The following MYH11 variants were observed in gnomAD, a reference collection of about 807,000 sequenced individuals.
MYH11 encodes myosin-11.
In MYH11, 80 loss-of-function variants were observed where a neutral mutation model predicts 246.6. The observed-to-expected ratio is 0.32, with a 90% CI of 0.27 to 0.39. The LOEUF is 0.39. MYH11 is among the 10% of genes least tolerant of loss of function. The probability of loss-of-function intolerance (pLI) is 1.00; values close to 1 mark genes in which losing one functional copy is unlikely to be tolerated. For synonymous variants in MYH11, 1,071 were observed against 1,015.5 expected, an observed-to-expected ratio of 1.05 and a Z score of -1.04; for missense variants, 2,158 against 2,546.8, an observed-to-expected ratio of 0.85 and a Z score of 3.29.
chr16:15,771,650 G>A lies in MYH11; in HGVS notation c.952C>T (p.Pro318Ser), dbSNP rs372237923. 4.3e-6 allele frequency: 7 copies of A among 1,613,864 alleles called. No individual in the cohort carries two copies. The African/African-American group carries it at 9.4e-5, about 22-fold the overall frequency. The stretch of plus-strand genomic sequence containing the variant: ...AACATCTCATCATCCTGGGCTGCTG[G>A]GATGGGCACAAAGCCATTGGAGAGG... The part of the protein sequence containing the change: ...TFLSNGFVPI[P>S]AAQDDEMFQE... The change falls in exon 9 of 41, where the codon CCA (proline) becomes TCA (serine). Residue 318 changes from proline to serine, a missense_variant. Transcript: ENST00000300036.
At chr16:15,799,579 C>T (rs1419074386) in intron 3 of MYH11, among the ~76,000 whole-genome samples, 1 of 152,208 alleles carries the variant, frequency 6.6e-6, no homozygotes, top group African/African-American at 2.4e-5. Context: ...ATTAAGCAGA[C>T]ATTATCCATC....
intron 1 of MYH11, among the ~76,000 whole-genome samples, chr16:15,840,050 C>CA (rs1262767122): frequency 4.0e-5 from 6 of 151,128 alleles, no homozygotes; most frequent in African/African-American, 1.5e-4. Context: ...GACGCTGTCT[C>CA]AAAAAAATTA....
chr16:15,739,969 T>G lies in MYH11; in HGVS notation c.2997+82A>C. On this transcript the variant is annotated intron_variant, in intron 23 of 40. Transcript: ENST00000300036. ...GTTGGCCAGGCTAGTCTCAAACTCCTGGCCTCAAGTGATCCACATACCTTG... is the reference window on the plus strand; with the variant it reads ...GTTGGCCAGGCTAGTCTCAAACTCCGGGCCTCAAGTGATCCACATACCTTG... The G allele has an allele frequency of 2.7e-6, 4 of 1,471,792 alleles. No individual in the cohort carries two copies. The South Asian group carries it at 4.5e-5, about 17-fold the overall frequency. 91.2% of individuals were successfully genotyped at this position (1,471,792 alleles called of 1,614,324 possible). A position where few individuals can be genotyped will look rare whatever the true frequency, so the allele number is the denominator to read the frequency against.
chr16:15,767,547 C>G (rs2042010866), intron 9 of MYH11, among the ~76,000 whole-genome samples: 1 of 152,046 alleles, frequency 6.6e-6, no homozygotes, highest in Non-Finnish European at 1.5e-5. Flanking sequence ...GTCTCGAACT[C>G]CTGGGCTCAA....
In MYH11 at chr16:15,719,270, G is replaced by A; in HGVS notation, c.5121C>T (p.Asp1707=). ...AAAERARKQA[D]LEKEELAEEL... ...CCTCTGCCAGTTCCTCCTTCTCGAG[G>A]TCCGCTTGTTTGCGAGCCCTCTCAG... The change falls in exon 36 of 41, where the codon GAC becomes GAT. Residue 1707 remains aspartate (D), a synonymous_variant. Coordinates refer to ENST00000300036, the MANE Select transcript of MYH11 (RefSeq NM_002474.3). 1 of 1,613,174 alleles carries A rather than the reference G, an allele frequency of 6.2e-7. No individual in the cohort carries two copies. The highest frequency in any genetic ancestry group is 8.5e-7 in the Non-Finnish European group (1 of 1,180,010).
chr16:15,810,041 G>GT lies in MYH11; in HGVS notation c.503-11355dup, dbSNP rs997208332. Reference sequence around the variant, plus strand: ...ATTTACGGTTTTTGTTTTTGTTTTTGTTTTTTTTTGAGACGGAGTTTTGCT... The same window carrying GT: ...ATTTACGGTTTTTGTTTTTGTTTTTGTTTTTTTTTTGAGACGGAGTTTTGCT... On this transcript the variant is annotated intron_variant, in intron 3 of 40. Coordinates refer to ENST00000300036, the MANE Select transcript of MYH11 (RefSeq NM_002474.3). 3.9e-4 allele frequency among the ~76,000 whole-genome samples: 56 copies of GT among 143,528 alleles called. 1 individual carries two copies. The highest frequency in any genetic ancestry group is 3.4e-3 in the Middle Eastern group (1 of 292). 94.2% of individuals were successfully genotyped at this position (143,528 alleles called of 152,430 possible).
In MYH11 at chr16:15,703,977, CTG is replaced by C. The variant is rs1265270356; in HGVS notation, c.*12_*13del. ...TTGGTTTTCTTGCCGTGGTGCAAAA[CTG>C]TAGAAAGTTGCTTATTCACTGGCCT... On this transcript the variant is annotated 3_prime_UTR_variant, in exon 41 of 41. Coordinates refer to ENST00000300036, the MANE Select transcript of MYH11 (RefSeq NM_002474.3). The C allele has an allele frequency of 1.9e-6, 3 of 1,613,878 alleles. No homozygotes were observed. Among genetic ancestry groups the C allele is most frequent in the African/African-American group, 1.3e-5 (1 of 74,982 alleles).
intron 12 of MYH11, among the ~76,000 whole-genome samples, chr16:15,758,470 G>A (rs746178321): frequency 8.5e-5 from 13 of 152,050 alleles, no homozygotes; most frequent in South Asian, 6.2e-4. Flanking sequence ...AGGAGTTTGC[G>A]ACCAGCCTGG....
chr16:15,856,467 T>C (rs2044474718), intron 1 of MYH11, among the ~76,000 whole-genome samples: 1 of 152,150 alleles, frequency 6.6e-6, no homozygotes, highest in Non-Finnish European at 1.5e-5. Flanking sequence ...TTCTGTGTGA[T>C]AGCAAGTGAC....
intron 3 of MYH11, among the ~76,000 whole-genome samples, chr16:15,819,529 G>A (rs540885655): frequency 6.6e-6 from 1 of 152,234 alleles, no homozygotes; most frequent in East Asian, 1.9e-4. Context: ...GCACATAAGA[G>A]GGATCCAGGC....
chr16:15,836,062 G>C (rs978700683), intron 2 of MYH11, among the ~76,000 whole-genome samples: 2 of 152,040 alleles, frequency 1.3e-5, no homozygotes, highest in Non-Finnish European at 2.9e-5. Flanking sequence ...CAAGAGGCTG[G>C]CACTATTCTT....
rs11273419 is a variant in MYH11, at chr16:15,788,095, T to TTTTTTTTTTTTTTTTTTTTTTTTTTTTA, written c.531-1364_531-1363insTAAAAAAAAAAAAAAAAAAAAAAAAAAA. On this transcript the variant is annotated intron_variant, in intron 4 of 40. Transcript: ENST00000300036. ...GGTAGATCTTTTTTTTTTTTTTTTT[T>TTTTTTTTTTTTTTTTTTTTTTTTTTTTA]ACCAAGATGGCTTTCGTGCACTAGC... Among the ~76,000 whole-genome samples the TTTTTTTTTTTTTTTTTTTTTTTTTTTTA allele has an allele frequency of 1.5e-3, 154 of 99,472 alleles. 35 individuals are homozygous for TTTTTTTTTTTTTTTTTTTTTTTTTTTTA. The highest frequency in any genetic ancestry group is 2.4e-3 in the Non-Finnish European group (114 of 47,298). The allele number at this position is 99,472 out of a possible 152,430, so 65.3% of individuals were successfully genotyped here.
Position 15,838,267 on chromosome 16 carries a change from C to T in MYH11, c.-15G>A. 4 of 1,613,058 alleles carry T rather than the reference C, an allele frequency of 2.5e-6. No homozygotes were observed. Among genetic ancestry groups the T allele is most frequent in the Non-Finnish European group, 2.5e-6 (3 of 1,179,312 alleles). On this transcript the variant is annotated splice_region_variant and 5_prime_UTR_variant, in exon 2 of 41. Coordinates refer to ENST00000300036, the MANE Select transcript of MYH11 (RefSeq NM_002474.3). ...TTCTGCGCCATGGTGCCTTGTTGGTCCCCTGTGGAATAAGGTAACAGGGTC... is the reference window on the plus strand; with the variant it reads ...TTCTGCGCCATGGTGCCTTGTTGGTTCCCTGTGGAATAAGGTAACAGGGTC...
rs975155726 is a variant in MYH11, at chr16:15,756,903, A to G, written c.1576-389T>C. Among the ~76,000 whole-genome samples the G allele has an allele frequency of 4.2e-5, 6 of 141,640 alleles. 1 individual carries two copies. Among genetic ancestry groups the G allele is most frequent in the Non-Finnish European group, 7.5e-5 (5 of 66,858 alleles). The allele number at this position is 141,640 out of a possible 152,430, so 92.9% of individuals were successfully genotyped here. The stretch of plus-strand genomic sequence containing the variant: ...AAGCTCCGCTTCCTGGGTTCACGCC[A>G]TTCTCCTGCCTCAGCCTCCCGAGTA... On this transcript the variant is annotated intron_variant, in intron 13 of 40. Transcript: ENST00000300036.
intron 10 of MYH11, among the ~76,000 whole-genome samples, chr16:15,761,401 C>A (rs2041865369): frequency 6.6e-6 from 1 of 152,224 alleles, no homozygotes; most frequent in Non-Finnish European, 1.5e-5. Context: ...GCGTGAGCCA[C>A]TGGCCCTTGA....
chr16:15,764,359 T>C (rs899305665), intron 9 of MYH11, among the ~76,000 whole-genome samples: 4 of 152,016 alleles, frequency 2.6e-5, no homozygotes, highest in East Asian at 1.9e-4. Context: ...AACTGATGTA[T>C]TGGGGCCAGC....
At chr16:15,766,950 TAG>T (rs1351017508) in intron 9 of MYH11, among the ~76,000 whole-genome samples, 8 of 152,222 alleles carry the variant, frequency 5.3e-5, no homozygotes, top group African/African-American at 1.9e-4. Flanking sequence ...GCTCTGCAGT[TAG>T]AGAGTCCTGA....
Position 15,719,251 on chromosome 16 carries a change from C to T in MYH11, c.5140G>A (p.Ala1714Thr), listed in dbSNP as rs1344059916. The change falls in exon 36 of 41, where the codon GCA becomes ACA. Residue 1714 changes from alanine to threonine, a missense_variant. Ala to Thr is a moderately conservative substitution (Grantham distance 58). Around this residue, in one of 11 missense-constraint regions of MYH11, gnomAD observed 1,013 missense variants for 993.5 expected, o/e 1.02. Coordinates refer to ENST00000300036, the MANE Select transcript of MYH11 (RefSeq NM_002474.3). ...KQADLEKEEL[A>T]EELASSLSGR... is the part of the protein sequence containing the mutation. ...GACAGGCTACTGGCCAGCTCCTCTG[C>T]CAGTTCCTCCTTCTCGAGGTCCGCT... 2.5e-6 allele frequency: 4 copies of T among 1,613,470 alleles called. No homozygotes were observed. The highest frequency in any genetic ancestry group is 3.4e-6 in the Non-Finnish European group (4 of 1,180,046).
At chr16:15,830,317 C>T (rs145168901) in intron 2 of MYH11, among the ~76,000 whole-genome samples, 159 of 152,272 alleles carry the variant, frequency 1.0e-3, no homozygotes, top group Non-Finnish European at 1.7e-3. Context: ...CAGACGTGGT[C>T]CACCAAGCAC....
Sources: allele counts gnomAD v4.1 joint callset (sites outside exome capture counted in the v4.1 genomes callset), GRCh38; gene constraint gnomAD v4.1.1; regional missense constraint gnomAD v4.1.1; transcripts MANE v1.5; gene names NCBI Gene and HGNC (gene_info 2026-07-23, HGNC 2026-07-21).